Variants in TJP1 observed in about 807,000 individuals in gnomAD.
The protein encoded by TJP1 is tight junction protein 1, also known as tight junction protein ZO-1.
In TJP1, 43 loss-of-function variants were observed where a neutral mutation model predicts 194.2. That is an observed-to-expected ratio of 0.22 (90% confidence interval 0.17 to 0.29). The LOEUF is 0.29. Among genes scored for constraint, TJP1 ranks in the 10% least tolerant of loss-of-function variants. The probability of loss-of-function intolerance (pLI) is 1.00; values close to 1 mark genes in which losing one functional copy is unlikely to be tolerated. For synonymous variants in TJP1, 801 were observed against 779.0 expected, an observed-to-expected ratio of 1.03 and a Z score of -0.47; for missense variants, 1,971 against 2,185.7, an observed-to-expected ratio of 0.90 and a Z score of 1.96.
chr15:29,801,502 C>T (rs1281616117), intron 1 of TJP1, among the ~76,000 whole-genome samples: 3 of 150,132 alleles, frequency 2.0e-5, no homozygotes, highest in Admixed American at 6.6e-5. Context: ...CGCTCTGTCG[C>T]CCAGGCTGGA....
intron 2 of TJP1, among the ~76,000 whole-genome samples, chr15:29,871,328 T>C (rs1380380751): frequency 1.3e-5 from 2 of 152,244 alleles, no homozygotes; most frequent in Non-Finnish European, 2.9e-5. Context: ...TGGGAAAATA[T>C]ATACAGTTGG....
intron 2 of TJP1, among the ~76,000 whole-genome samples, chr15:29,953,815 C>G (rs1309971404): frequency 6.6e-6 from 1 of 152,156 alleles, no homozygotes; most frequent in Admixed American, 6.5e-5. Flanking sequence ...AATACATTCC[C>G]ATTGCTGAGG....
chr15:29,954,063 G>A (rs2055853569), intron 2 of TJP1, among the ~76,000 whole-genome samples: 1 of 152,064 alleles, frequency 6.6e-6, no homozygotes, highest in South Asian at 2.1e-4. Flanking sequence ...GAGTCAAATA[G>A]AAAAACCATC....
At position 29,716,734 on chromosome 15, in the gene TJP1, G is replaced by A. The variant is rs775577633; in HGVS notation, c.4079C>T (p.Ser1360Leu). ...EDEEYYRKQL[S>L]YFDRRSFENK... is the part of the protein sequence containing the mutation. ...CTCAAAACTTCTTCGGTCAAAGTATGACAGCTGTTTTCGATAATATTCTTC... is the reference window on the plus strand; with the variant it reads ...CTCAAAACTTCTTCGGTCAAAGTATAACAGCTGTTTTCGATAATATTCTTC... Residue 1360 changes from serine to leucine, a missense_variant, in exon 23 of 28, where the codon TCA becomes TTA. By Grantham distance (145) the Ser-to-Leu change is moderately radical. Coordinates refer to ENST00000614355, the MANE Select transcript of TJP1 (RefSeq NM_001330239.4). 6.2e-7 allele frequency: 1 copy of A among 1,614,150 alleles called. No homozygotes were observed. The highest frequency in any genetic ancestry group is 8.5e-7 in the Non-Finnish European group (1 of 1,180,024).
intron 2 of TJP1, among the ~76,000 whole-genome samples, chr15:29,867,467 T>A (rs757302664): frequency 2.0e-5 from 3 of 152,206 alleles, no homozygotes; most frequent in Non-Finnish European, 4.4e-5. Context: ...ACGTGGCCCA[T>A]GTGTGCTATG....
intron 1 of TJP1, chr15:29,968,565 C>T: frequency 1.2e-6 from 1 of 830,532 alleles, no homozygotes; most frequent in South Asian, 5.3e-5. Context: ...CGGCCTCGCC[C>T]CCCGCCCGAC....
intron 2 of TJP1, among the ~76,000 whole-genome samples, chr15:29,832,532 C>T (rs1471113046): frequency 1.3e-5 from 2 of 152,206 alleles, no homozygotes; most frequent in Non-Finnish European, 2.9e-5. Flanking sequence ...GTACTATACA[C>T]ATATGCAGAA....
In TJP1 at chr15:29,822,421, G is replaced by A. The variant is rs1006440121; in HGVS notation, c.-393C>T. On this transcript the variant is annotated 5_prime_UTR_variant, in exon 1 of 28. Transcript: ENST00000614355. ...TTCCCGGGAACCGGCGGCCGCCAAG[G>A]AACGCGGCGTCCGCTGGCTCAGCCG... 19 of 991,446 alleles carry A rather than the reference G, an allele frequency of 1.9e-5. No individual in the cohort carries two copies. The highest frequency in any genetic ancestry group is 2.3e-5 in the Non-Finnish European group (19 of 834,120). The allele number at this position is 991,446 out of a possible 1,614,324, so 61.4% of individuals were successfully genotyped here.
At chr15:29,936,043 T>A (rs2054870413) in intron 2 of TJP1, among the ~76,000 whole-genome samples, 1 of 152,006 alleles carries the variant, frequency 6.6e-6, no homozygotes, top group Non-Finnish European at 1.5e-5. Flanking sequence ...CAACTGGCAA[T>A]CTCAATGCCC....
At position 29,717,491 on chromosome 15, in the gene TJP1, G is replaced by C. The variant is rs143411686; in HGVS notation, c.3974+530C>G. On this transcript the variant is annotated intron_variant, in intron 22 of 27. Coordinates refer to ENST00000614355, the MANE Select transcript of TJP1 (RefSeq NM_001330239.4). ...AAAAAGCTCAGGCTGAGGAGCAGCA[G>C]GCCAGGTTTCTCTTCCAGCTCTAAG... Among the ~76,000 whole-genome samples, 1,308 of 150,188 alleles carry C rather than the reference G, an allele frequency of 8.7e-3. 7 individuals carry two copies. Among genetic ancestry groups the C allele is most frequent in the South Asian group, 0.02 (93 of 4,628 alleles).
chr15:29,887,970 C>T (rs1392967357), intron 2 of TJP1, among the ~76,000 whole-genome samples: 1 of 152,068 alleles, frequency 6.6e-6, no homozygotes, highest in African/African-American at 2.4e-5. Flanking sequence ...CCTAAGGAAA[C>T]AATCCACATA....
chr15:29,710,889 T>C lies in TJP1; in HGVS notation c.4314A>G (p.Pro1438=). The change falls in exon 24 of 28, where the codon CCA becomes CCG. Residue 1438 remains proline (P), a synonymous_variant. Transcript: ENST00000614355. ...PPPLPSQYAQ[P]SQPVTSASLH... ...GAGACGCGCTGGTGACAGGCTGAGA[T>C]GGCTGGGCATACTGCGAGGGCAATG... The C allele has an allele frequency of 1.9e-6, 3 of 1,614,124 alleles. No individual in the cohort carries two copies. Among genetic ancestry groups the C allele is most frequent in the South Asian group, 2.2e-5 (2 of 91,080 alleles).
chr15:29,886,829 G>A (rs752098239), intron 2 of TJP1, among the ~76,000 whole-genome samples: 3 of 151,702 alleles, frequency 2.0e-5, no homozygotes, highest in South Asian at 2.1e-4. Context: ...TCATGGGCTC[G>A]GTGGTAAAGA....
intron 2 of TJP1, among the ~76,000 whole-genome samples, chr15:29,859,212 T>C (rs1175585344): frequency 6.6e-6 from 1 of 152,242 alleles, no homozygotes; most frequent in Non-Finnish European, 1.5e-5. Flanking sequence ...TAAACCTATA[T>C]ATAGAACAAA....
intron 8 of TJP1, among the ~76,000 whole-genome samples, chr15:29,747,312 T>C (rs1210758940): frequency 6.6e-6 from 1 of 152,024 alleles, no homozygotes; most frequent in Non-Finnish European, 1.5e-5. Flanking sequence ...ATACAATAAA[T>C]TGTAAAAGAT....
rs2042867962 is a variant in TJP1 at position 29,720,533 on chromosome 15, T to G, written c.2588A>C (p.Asn863Thr). 1 of 1,613,962 alleles carries G rather than the reference T, an allele frequency of 6.2e-7. No homozygotes were observed. ...CTCCGGTGGAGTCCCAACCTCATCA[T>G]TAAGAGTTTCATCTAGTTCTTGATC... ...YTDQELDETL[N>T]DEVGTPPESA... The change falls in exon 19 of 28, where the codon AAT (asparagine) becomes ACT (threonine). Residue 863 changes from asparagine to threonine, a missense_variant. Asn to Thr is a moderately conservative substitution (Grantham distance 65, BLOSUM62 0). Coordinates refer to ENST00000614355, the MANE Select transcript of TJP1 (RefSeq NM_001330239.4).
intron 2 of TJP1, among the ~76,000 whole-genome samples, chr15:29,850,081 T>C (rs1292565090): frequency 1.3e-5 from 2 of 152,184 alleles, no homozygotes; most frequent in Non-Finnish European, 2.9e-5. Flanking sequence ...AGCAGCCATG[T>C]GCTGGAGTTA....
rs1343178234 is a variant in TJP1 at position 29,726,800 on chromosome 15, A to G, written c.2292T>C (p.Asn764=). 1 of 1,613,892 alleles carries G rather than the reference A, an allele frequency of 6.2e-7. No homozygotes were observed. The change falls in exon 17 of 28, where the codon AAT becomes AAC. Residue 764 remains asparagine (N), a synonymous_variant. Transcript: ENST00000614355. ...LYERSHKLRK[N]NHHLFTTTIN... ...ACTCACTTGTAAAAAGATGGTGATTATTTTTACGAAGTTTATGAGATCGCT... is the reference window on the plus strand; with the variant it reads ...ACTCACTTGTAAAAAGATGGTGATTGTTTTTACGAAGTTTATGAGATCGCT...
intron 1 of TJP1, chr15:29,820,750 C>T (rs2050276163): frequency 1.7e-6 from 1 of 585,660 alleles, no homozygotes; most frequent in African/African-American, 1.9e-5. Context: ...GCCTTTTATC[C>T]TAAATCTCTG....
Sources: allele counts gnomAD v4.1 joint callset (sites outside exome capture counted in the v4.1 genomes callset), GRCh38; gene constraint gnomAD v4.1.1; transcripts MANE v1.5; gene names NCBI Gene and HGNC (gene_info 2026-07-23, HGNC 2026-07-21).